XKR9: variants seen among roughly 807,000 people sequenced by gnomAD.
The protein encoded by XKR9 is XK related 9.
A neutral mutation model predicts 32.0 loss-of-function variants in XKR9; 32 were observed. The observed-to-expected ratio is 1.00, with a 90% confidence interval of 0.76 to 1.34. The LOEUF is 1.34. Ranked by LOEUF, XKR9 falls within the 40% of genes most tolerant of loss-of-function variation. XKR9 has a pLI of 0.00. For synonymous variants in XKR9, 168 were observed against 143.4 expected, an observed-to-expected ratio of 1.17 and a Z score of -1.22; for missense variants, 546 against 429.7, an observed-to-expected ratio of 1.27 and a Z score of -2.39.
chr8:70,931,398 C>T, the XKR9 span, among the ~76,000 whole-genome samples: 22 of 152,206 alleles, frequency 1.4e-4, no homozygotes, highest in East Asian at 3.5e-3. Flanking sequence ...GTGGTAGGAT[C>T]GTGACTAACC....
the XKR9 span, among the ~76,000 whole-genome samples, chr8:70,806,601 A>G: frequency 6.6e-6 from 1 of 152,210 alleles, no homozygotes; most frequent in Non-Finnish European, 1.5e-5. Flanking sequence ...AAAACACAGC[A>G]TGAAAACTTC....
chr8:70,775,123 TTG>T (rs1351441698), intron 2 of XKR9, among the ~76,000 whole-genome samples: 2 of 152,152 alleles, frequency 1.3e-5, no homozygotes, highest in Non-Finnish European at 1.5e-5. Context: ...CATCTTCTAA[TTG>T]TTTATGCTGG....
chr8:70,960,241 G>A, the XKR9 span, among the ~76,000 whole-genome samples: 23 of 125,258 alleles, frequency 1.8e-4, no homozygotes, highest in African/African-American at 4.7e-4. Context: ...GCAAAACTCC[G>A]TCCCCCCCAA....
intron 2 of XKR9, among the ~76,000 whole-genome samples, chr8:70,677,497 A>C (rs1818923841): frequency 6.6e-6 from 1 of 152,188 alleles, no homozygotes; most frequent in African/African-American, 2.4e-5. Flanking sequence ...AATTCTAACT[A>C]TATTCCCCTC....
the XKR9 span, among the ~76,000 whole-genome samples, chr8:70,961,616 C>G: frequency 2.0e-5 from 3 of 152,112 alleles, no homozygotes; most frequent in African/African-American, 7.2e-5. Context: ...ATATACATTT[C>G]TTTAAACATA....
At chr8:71,061,109 G>A in the XKR9 span, among the ~76,000 whole-genome samples, 1 of 152,162 alleles carries the variant, frequency 6.6e-6, no homozygotes, top group Non-Finnish European at 1.5e-5. Context: ...GCACAAAGAA[G>A]CAAAGGTTAA....
At chr8:70,836,063 T>A in the XKR9 span, among the ~76,000 whole-genome samples, 1 of 152,110 alleles carries the variant, frequency 6.6e-6, no homozygotes, top group Admixed American at 6.6e-5. Context: ...CTTTTACATA[T>A]CTTTCCATCC....
At chr8:70,873,013 T>C in the XKR9 span, among the ~76,000 whole-genome samples, 1 of 152,310 alleles carries the variant, frequency 6.6e-6, no homozygotes, top group South Asian at 2.1e-4. Flanking sequence ...AAAAATCTTA[T>C]GGCCCATAAG....
chr8:70,815,517 A>ATTTATTTAT, the XKR9 span, among the ~76,000 whole-genome samples: 12 of 149,360 alleles, frequency 8.0e-5, no homozygotes, highest in Non-Finnish European at 1.5e-4. Context: ...TATTTTATTT[A>ATTTATTTAT]TTTATTTATT....
the XKR9 span, among the ~76,000 whole-genome samples, chr8:70,801,099 CA>C: frequency 6.7e-6 from 1 of 150,062 alleles, no homozygotes; most frequent in African/African-American, 2.5e-5. Context: ...AGTGGTCTAT[CA>C]ATCTTATTTA....
At chr8:70,784,833 CTCATATATGGACTTCATTGTGTTGTGA>C (rs1310688621) in intron 2 of XKR9, among the ~76,000 whole-genome samples, 1 of 151,668 alleles carries the variant, frequency 6.6e-6, no homozygotes, top group Non-Finnish European at 1.5e-5. Flanking sequence ...CTGTAGGATT[CTCATATATGGACTTCATTGTGTTGTGA>C]TACATTTCTT....
the XKR9 span, among the ~76,000 whole-genome samples, chr8:70,870,178 G>T: frequency 6.6e-6 from 1 of 151,934 alleles, no homozygotes; most frequent in Admixed American, 6.6e-5. Context: ...TATAAATAAG[G>T]GTCTTCTAGC....
chr8:70,820,078 G>A, the XKR9 span, among the ~76,000 whole-genome samples: 711 of 152,220 alleles, frequency 4.7e-3, 19 homozygotes, highest in Admixed American at 0.038. Flanking sequence ...AAAGCAGGAA[G>A]GTCATTCTCT....
the XKR9 span, among the ~76,000 whole-genome samples, chr8:70,842,341 C>T: frequency 6.6e-6 from 1 of 152,144 alleles, no homozygotes; most frequent in African/African-American, 2.4e-5. Context: ...ATGTATTAGG[C>T]TAATCTTCTA....
the XKR9 span, among the ~76,000 whole-genome samples, chr8:70,993,100 G>C: frequency 6.6e-6 from 1 of 152,042 alleles, no homozygotes; most frequent in East Asian, 1.9e-4. Flanking sequence ...TGTTAACCTA[G>C]CGTGGCTTCA....
intron 2 of XKR9, among the ~76,000 whole-genome samples, chr8:70,759,784 A>G (rs1347338544): frequency 2.0e-5 from 3 of 152,208 alleles, no homozygotes; most frequent in African/African-American, 4.8e-5. Flanking sequence ...TGGGGTTCCA[A>G]TAAACATTTG....
chr8:70,983,808 A>T, the XKR9 span, among the ~76,000 whole-genome samples: 1 of 151,398 alleles, frequency 6.6e-6, no homozygotes, highest in African/African-American at 2.4e-5. Context: ...TAAATAAATA[A>T]ATAAATAAAA....
At chr8:70,803,902 C>T in the XKR9 span, among the ~76,000 whole-genome samples, 2 of 152,230 alleles carry the variant, frequency 1.3e-5, no homozygotes, top group Non-Finnish European at 2.9e-5. Flanking sequence ...AGTGGGACTG[C>T]TGGGCCAGAA....
chr8:70,727,440 A>G (rs2132230568), intron 4 of XKR9, among the ~76,000 whole-genome samples: 1 of 151,552 alleles, frequency 6.6e-6, no homozygotes, highest in African/African-American at 2.4e-5. Flanking sequence ...TCGCTCTGTC[A>G]CCCAGGCTGG....
Sources: gnomAD v4.1 joint callset for allele counts (sites outside exome capture counted in the v4.1 genomes callset) on GRCh38, gnomAD v4.1.1 for gene constraint, MANE v1.5 for transcripts, NCBI Gene and HGNC (gene_info 2026-07-23, HGNC 2026-07-21) for gene names.